TENM2: variants seen among roughly 807,000 people sequenced by gnomAD.
TENM2 encodes teneurin-2.
Under a neutral mutation model 245.2 loss-of-function variants are expected in TENM2, and 52 were observed. That is an observed-to-expected ratio of 0.21 (90% CI 0.17 to 0.27). The LOEUF is 0.27. Ranked by LOEUF, TENM2 falls within the 10% of genes least tolerant of loss-of-function variation. The pLI is 1.00. For missense variants in TENM2, 3,046 were observed against 3,666.8 expected, an observed-to-expected ratio of 0.83 and a Z score of 4.37; for synonymous variants, 1,363 against 1,438.9, an observed-to-expected ratio of 0.95 and a Z score of 1.19.
intron 2 of TENM2, among the ~76,000 whole-genome samples, chr5:167,726,740 T>G (rs1436098971): frequency 6.6e-6 from 1 of 152,170 alleles, no homozygotes. Context: ...ATTGTAGACA[T>G]GAGCCACTAT....
chr5:168,030,328 T>C (rs1014015196), intron 5 of TENM2, among the ~76,000 whole-genome samples: 1 of 151,992 alleles, frequency 6.6e-6, no homozygotes, highest in Non-Finnish European at 1.5e-5. Flanking sequence ...TCCACCTTCA[T>C]AGAAACAGAC....
chr5:167,506,676 T>C (rs1303597170), intron 2 of TENM2, among the ~76,000 whole-genome samples: 3 of 152,210 alleles, frequency 2.0e-5, no homozygotes, highest in African/African-American at 7.2e-5. Context: ...AATCTCATTA[T>C]TAAGGTAAGC....
intron 5 of TENM2, among the ~76,000 whole-genome samples, chr5:167,995,936 C>T (rs577130262): frequency 1.3e-5 from 2 of 151,972 alleles, no homozygotes; most frequent in African/African-American, 2.4e-5. Flanking sequence ...TTAAGGAGAC[C>T]GGCGCTTTTA....
exon 5 of TENM2, chr5:167,992,988 G>T: frequency 6.2e-7 from 1 of 1,613,956 alleles, no homozygotes; most frequent in Non-Finnish European, 8.5e-7. Flanking sequence ...CCCTTGTTCA[G>T]CAGCTCTTCC....
chr5:167,698,976 C>T (rs1757970066), intron 2 of TENM2, among the ~76,000 whole-genome samples: 1 of 151,960 alleles, frequency 6.6e-6, no homozygotes, highest in African/African-American at 2.4e-5. Flanking sequence ...GCCACCCTGC[C>T]CGGCCCCATA....
chr5:167,423,288 T>C (rs1763619401), intron 2 of TENM2, among the ~76,000 whole-genome samples: 1 of 152,182 alleles, frequency 6.6e-6, no homozygotes, highest in Non-Finnish European at 1.5e-5. Flanking sequence ...TGCTAATCAG[T>C]GCTTAATGAG....
intron 2 of TENM2, among the ~76,000 whole-genome samples, chr5:167,815,043 C>T (rs982330829): frequency 1.3e-5 from 2 of 152,138 alleles, no homozygotes; most frequent in Non-Finnish European, 2.9e-5. Flanking sequence ...CCTACAGAGA[C>T]GTCAACCACA....
At chr5:167,121,992 T>A in the TENM2 span, among the ~76,000 whole-genome samples, 1 of 152,316 alleles carries the variant, frequency 6.6e-6, no homozygotes. Context: ...GTACCAACCC[T>A]GTGAGAATTG....
At chr5:167,288,324 C>T (rs1754412944) in intron 1 of TENM2, among the ~76,000 whole-genome samples, 2 of 152,044 alleles carry the variant, frequency 1.3e-5, no homozygotes. Flanking sequence ...CTTTGGGAGG[C>T]CGAGGTGGGC....
chr5:167,079,616 T>C, the TENM2 span, among the ~76,000 whole-genome samples: 5 of 151,118 alleles, frequency 3.3e-5, no homozygotes, highest in South Asian at 4.1e-4. Context: ...CCCGGCCTAA[T>C]ATATATTATA....
At chr5:167,615,125 A>T (rs1435586748) in intron 2 of TENM2, among the ~76,000 whole-genome samples, 1 of 152,194 alleles carries the variant, frequency 6.6e-6, no homozygotes, top group Non-Finnish European at 1.5e-5. Context: ...ATCTCGATTC[A>T]GAACAAAACA....
In TENM2 at chr5:167,827,631, G is replaced by GGC. The variant is rs1402609154; in HGVS notation, c.503-48354_503-48353insCG. On this transcript the variant is annotated intron_variant, in intron 2 of 28. Coordinates refer to ENST00000518659, the Ensembl canonical transcript of TENM2. ...TTATGGCAAGGAGCTAGGTGGGCGG[G>GGC]GGGGGGGGAACAGTTTAATGAGCGT... Among the ~76,000 whole-genome samples the GGC allele has an allele frequency of 1.2e-4, 15 of 128,504 alleles. No homozygotes were observed. The South Asian group carries it at 1.9e-3, about 17-fold the overall frequency. The allele number at this position is 128,504 out of a possible 152,430, so 84.3% of individuals were successfully genotyped here.
chr5:167,476,915 A>G (rs1446438079), intron 2 of TENM2, among the ~76,000 whole-genome samples: 1 of 152,154 alleles, frequency 6.6e-6, no homozygotes, highest in African/African-American at 2.4e-5. Context: ...TGATTTCTTT[A>G]AAGTGACTAA....
At chr5:167,158,097 A>T in the TENM2 span, among the ~76,000 whole-genome samples, 35,146 of 152,064 alleles carry the variant, frequency 0.23, 5,112 homozygotes, top group African/African-American at 0.4. Flanking sequence ...CATTTTGACA[A>T]GTAAAATTAT....
the TENM2 span, among the ~76,000 whole-genome samples, chr5:167,216,646 G>A: frequency 1.3e-5 from 2 of 152,166 alleles, no homozygotes; most frequent in African/African-American, 4.8e-5. Context: ...ATTACTGGGG[G>A]CCAGGCATGA....
intron 1 of TENM2, among the ~76,000 whole-genome samples, chr5:167,349,129 T>C (rs1410208003): frequency 1.3e-5 from 2 of 152,210 alleles, no homozygotes; most frequent in Non-Finnish European, 2.9e-5. Context: ...CAATCCAATT[T>C]TGGACCACTG....
chr5:167,550,733 TG>T (rs1772882047), intron 2 of TENM2, among the ~76,000 whole-genome samples: 1 of 148,398 alleles, frequency 6.7e-6, no homozygotes, highest in African/African-American at 2.5e-5. Context: ...TGTGTGTGTG[TG>T]TGTGTGTGTG....
chr5:167,249,963 C>T, the TENM2 span, among the ~76,000 whole-genome samples: 27 of 152,194 alleles, frequency 1.8e-4, no homozygotes, highest in Middle Eastern at 3.4e-3. Flanking sequence ...GCTAAGTAAA[C>T]GATTAAATGG....
chr5:167,596,777 C>T (rs1776243862), intron 2 of TENM2, among the ~76,000 whole-genome samples: 1 of 138,956 alleles, frequency 7.2e-6, no homozygotes, highest in Admixed American at 7.5e-5. Context: ...ACCTGGGCGA[C>T]AGAGCTAGAT....
Sources: gnomAD v4.1 joint callset for allele counts (sites outside exome capture counted in the v4.1 genomes callset) on GRCh38, gnomAD v4.1.1 for gene constraint, MANE v1.5 for transcripts, NCBI Gene and HGNC (gene_info 2026-07-23, HGNC 2026-07-21) for gene names.